The following GCH1 variants were observed in gnomAD, a reference collection of about 807,000 sequenced individuals.
The protein encoded by GCH1 is GTP cyclohydrolase 1.
A neutral mutation model predicts 25.9 loss-of-function variants in GCH1; 5 were observed. That is an observed-to-expected ratio of 0.19 (90% CI 0.10 to 0.41). The LOEUF is 0.41. Among genes scored for constraint, GCH1 ranks in the 10% least tolerant of loss-of-function variants. GCH1 has a pLI of 1.00. For missense variants in GCH1, 261 were observed against 336.5 expected, an observed-to-expected ratio of 0.78 and a Z score of 1.75; for synonymous variants, 159 against 129.6, an observed-to-expected ratio of 1.23 and a Z score of -1.54.
In GCH1 at chr14:54,902,605, T is replaced by C. The variant is rs2040586742; in HGVS notation, c.59A>G (p.Asn20Ser). ...CGGCGGATCCCGCTCGGGGAACCCA[T>C]TGCTGCACCTGGCGCCCCGCGGCTT... is the stretch of plus-strand genomic sequence containing the variant. ...AEKPRGARCS[N>S]GFPERDPPRP... The change falls in exon 1 of 6, where the codon AAT (asparagine) becomes AGT (serine). Residue 20 changes from asparagine to serine, a missense_variant. By Grantham distance (46) the Asn-to-Ser change is conservative (BLOSUM62 1). Around this residue, in one of 3 missense-constraint regions of GCH1, gnomAD observed 125 missense variants for 128.7 expected, o/e 0.97. Transcript: ENST00000491895. 4 of 1,494,284 alleles carry C rather than the reference T, an allele frequency of 2.7e-6. No homozygotes were observed. The highest frequency in any genetic ancestry group is 2.3e-5 in the Admixed American group (1 of 43,378). 92.6% of individuals were successfully genotyped at this position (1,494,284 alleles called of 1,614,324 possible). A position where few individuals can be genotyped will look rare whatever the true frequency, so the allele number is the denominator to read the frequency against.
At chr14:54,856,290 C>T (rs2039810584) in intron 3 of GCH1, among the ~76,000 whole-genome samples, 1 of 152,202 alleles carries the variant, frequency 6.6e-6, no homozygotes, top group Non-Finnish European at 1.5e-5. Context: ...TTCCATGGCA[C>T]TTGCAGTCTT....
chr14:54,860,276 A>C (rs2039875575), intron 2 of GCH1, among the ~76,000 whole-genome samples: 1 of 152,230 alleles, frequency 6.6e-6, no homozygotes, highest in African/African-American at 2.4e-5. Flanking sequence ...CACAAATCTG[A>C]AAGTTTCTTC....
Position 54,902,441 on chromosome 14 carries a change from AGGCGG to A in GCH1, c.218_222del (p.Ala73ValfsTer49). ...CCCAGCGAGCTCAGGATGGACGAGT[AGGCGG>A]CTGCCAGGTTAGGGAGGTTCAGCTC... On this transcript the variant is annotated frameshift_variant, in exon 1 of 6. Coordinates refer to ENST00000491895, the MANE Select transcript of GCH1 (RefSeq NM_000161.3). LOFTEE classifies it high-confidence loss of function. 6.2e-7 allele frequency: 1 copy of A among 1,612,910 alleles called. No individual in the cohort carries two copies. The highest frequency in any genetic ancestry group is 8.5e-7 in the Non-Finnish European group (1 of 1,179,772).
chr14:54,899,154 T>C (rs2040526785), intron 1 of GCH1, among the ~76,000 whole-genome samples: 1 of 152,138 alleles, frequency 6.6e-6, no homozygotes, highest in African/African-American at 2.4e-5. Flanking sequence ...TATATTCAAT[T>C]AATGGCTTAT....
intron 1 of GCH1, among the ~76,000 whole-genome samples, chr14:54,897,415 A>G: frequency 6.6e-6 from 1 of 151,792 alleles, no homozygotes; most frequent in Admixed American, 6.6e-5. Flanking sequence ...CAGCCTCCCA[A>G]GTAGCTGGGA....
intron 1 of GCH1, among the ~76,000 whole-genome samples, chr14:54,880,975 C>A (rs2040263381): frequency 1.3e-5 from 2 of 150,854 alleles, no homozygotes; most frequent in African/African-American, 4.9e-5. Context: ...CAGGTATGTG[C>A]CACCATGCCT....
At chr14:54,902,084 G>A (rs979646499) in intron 1 of GCH1, among the ~76,000 whole-genome samples, 6 of 152,196 alleles carry the variant, frequency 3.9e-5, no homozygotes, top group Non-Finnish European at 7.4e-5. Flanking sequence ...AAGGGCCCCT[G>A]GAAGGCGGCT....
In GCH1 at chr14:54,847,118, G is replaced by C. The variant is rs1206517443; in HGVS notation, c.522C>G (p.Ile174Met). ...GCTTACCTTGTAGTCTTCTACTATA[G>C]ATTTCTACAATCCTAGAAAAGAAAG... is the stretch of plus-strand genomic sequence containing the variant. ...GLSKLARIVE[I>M]YSRRLQVQER... is the part of the protein sequence containing the mutation. The change falls in exon 4 of 6, where the codon ATC (isoleucine) becomes ATG (methionine). Residue 174 changes from isoleucine to methionine, a missense_variant. Around this residue, in one of 3 missense-constraint regions of GCH1, gnomAD observed 130 missense variants for 184.1 expected, o/e 0.71. Coordinates refer to ENST00000491895, the MANE Select transcript of GCH1 (RefSeq NM_000161.3). 2 of 983,406 alleles carry C rather than the reference G, an allele frequency of 2.0e-6. No individual in the cohort carries two copies. Among genetic ancestry groups the C allele is most frequent in the Non-Finnish European group, 3.2e-6 (2 of 627,802 alleles). 60.9% of individuals were successfully genotyped at this position (983,406 alleles called of 1,614,324 possible).
At chr14:54,888,446 G>T (rs2040380949) in intron 1 of GCH1, among the ~76,000 whole-genome samples, 1 of 151,830 alleles carries the variant, frequency 6.6e-6, no homozygotes, top group Non-Finnish European at 1.5e-5. Flanking sequence ...TCATAAACCA[G>T]TTAGCATATT....
At chr14:54,865,226 G>A in intron 2 of GCH1, 101 bp downstream of exon 2, 1 of 667,044 alleles carries the variant, frequency 1.5e-6, no homozygotes, top group East Asian at 2.8e-5. Flanking sequence ...AAATACCTGA[G>A]ATATCAGCAA....
At chr14:54,856,873 ACTC>A (rs1217190431) in intron 3 of GCH1, among the ~76,000 whole-genome samples, 4 of 152,144 alleles carry the variant, frequency 2.6e-5, no homozygotes, top group Non-Finnish European at 5.9e-5. Flanking sequence ...AGCCAGATCA[ACTC>A]ACTTCTGGCA....
At chr14:54,886,605 G>T (rs1414900935) in intron 1 of GCH1, among the ~76,000 whole-genome samples, 1 of 152,092 alleles carries the variant, frequency 6.6e-6, no homozygotes, top group African/African-American at 2.4e-5. Flanking sequence ...GAGTGAAACT[G>T]TCTCAAAAAA....
chr14:54,848,259 C>T (rs1412845594), intron 3 of GCH1, among the ~76,000 whole-genome samples: 3 of 151,606 alleles, frequency 2.0e-5, no homozygotes, highest in Non-Finnish European at 4.4e-5. Flanking sequence ...GCCTCAGCTT[C>T]CTGAGTAGCT....
chr14:54,876,192 T>C (rs2040157373), intron 1 of GCH1, among the ~76,000 whole-genome samples: 1 of 152,172 alleles, frequency 6.6e-6, no homozygotes, highest in African/African-American at 2.4e-5. Context: ...TTCATGTCCT[T>C]TGTAGAGACA....
chr14:54,899,651 A>T (rs2040534824), intron 1 of GCH1, among the ~76,000 whole-genome samples: 1 of 152,030 alleles, frequency 6.6e-6, no homozygotes, highest in Non-Finnish European at 1.5e-5. Context: ...GGTAAAATAT[A>T]TATAAAATTG....
At chr14:54,849,947 C>T (rs1566661638) in intron 3 of GCH1, among the ~76,000 whole-genome samples, 1 of 152,030 alleles carries the variant, frequency 6.6e-6, no homozygotes. Context: ...CTGGCTAATT[C>T]TGCAAGTTTC....
intron 1 of GCH1, among the ~76,000 whole-genome samples, chr14:54,880,303 G>A (rs2040227411): frequency 6.8e-6 from 1 of 146,694 alleles, no homozygotes; most frequent in Non-Finnish European, 1.5e-5. Context: ...AATGTATTTT[G>A]ATTAAACTTG....
At chr14:54,847,025 G>A (rs2039652932) in intron 4 of GCH1, 74 bp downstream of exon 4, 1 of 619,298 alleles carries the variant, frequency 1.6e-6, no homozygotes, top group East Asian at 3.3e-5. Flanking sequence ...GCAAGACTCT[G>A]TCTCAAAAAT....
intron 1 of GCH1, among the ~76,000 whole-genome samples, chr14:54,883,622 T>C (rs1384830463): frequency 1.3e-5 from 2 of 151,918 alleles, no homozygotes; most frequent in Non-Finnish European, 2.9e-5. Flanking sequence ...GAGCTTGCAG[T>C]GAGCCGAGAT....
Sources: allele counts gnomAD v4.1 joint callset (sites outside exome capture counted in the v4.1 genomes callset), GRCh38; gene constraint gnomAD v4.1.1; regional missense constraint gnomAD v4.1.1; transcripts MANE v1.5; gene names NCBI Gene and HGNC (gene_info 2026-07-23, HGNC 2026-07-21).